The following PLCB4 variants were observed in gnomAD, a reference collection of about 807,000 sequenced individuals.
PLCB4 encodes the protein phospholipase C beta 4.
A neutral mutation model predicts 178.8 loss-of-function variants in PLCB4; 77 were observed. That is an observed-to-expected ratio of 0.43 (90% CI 0.36 to 0.52). The LOEUF (loss-of-function observed/expected upper bound fraction) is 0.52. Ranked by LOEUF, PLCB4 falls within the 20% of genes least tolerant of loss-of-function variation. The probability of loss-of-function intolerance (pLI) is 0.00; values close to 1 mark genes in which losing one functional copy is unlikely to be tolerated. For synonymous variants in PLCB4, 496 were observed against 490.8 expected (o/e 1.01, Z -0.14); for missense variants, 1,024 against 1,453.4 (o/e 0.70, Z 4.80).
rs531235467 is a variant in PLCB4, at chr20:9,249,991, A to G, written c.-16+32539A>G. ...GTCAGCTATAGAAAGAGAGAAAAAG[A>G]AAAAAGGCAGAAATTGACAGACTAT... On this transcript the variant is annotated intron_variant, in intron 3 of 39. Transcript: ENST00000378473. 9.9e-4 allele frequency among the ~76,000 whole-genome samples: 151 copies of G among 152,356 alleles called. No individual in the cohort carries two copies. The Middle Eastern group carries it at 0.014, about 14-fold the overall frequency.
chr20:9,452,148 A>G (rs1602890014), intron 32 of PLCB4, among the ~76,000 whole-genome samples: 1 of 152,340 alleles, frequency 6.6e-6, no homozygotes, highest in South Asian at 2.1e-4. Context: ...GCGTTTCTAA[A>G]GAATTTATAT....
intron 7 of PLCB4, among the ~76,000 whole-genome samples, chr20:9,354,194 G>C (rs1020469346): frequency 6.6e-6 from 1 of 152,102 alleles, no homozygotes; most frequent in Non-Finnish European, 1.5e-5. Context: ...ACATGCAGTG[G>C]GGTGTGTGTG....
intron 20 of PLCB4, among the ~76,000 whole-genome samples, chr20:9,402,317 A>T (rs747088873): frequency 6.6e-6 from 1 of 152,250 alleles, no homozygotes; most frequent in African/African-American, 2.4e-5. Flanking sequence ...TTGGCCATGC[A>T]CAGAGGTTGA....
At chr20:9,368,593 G>A (rs1186284562) in intron 9 of PLCB4, among the ~76,000 whole-genome samples, 8 of 152,142 alleles carry the variant, frequency 5.3e-5, no homozygotes, top group African/African-American at 1.9e-4. Flanking sequence ...TGTCCTGAAG[G>A]CCCAGCAGCC....
chr20:9,216,810 T>C (rs1401351492), intron 2 of PLCB4, among the ~76,000 whole-genome samples: 3 of 152,220 alleles, frequency 2.0e-5, no homozygotes, highest in Non-Finnish European at 4.4e-5. Flanking sequence ...CGGCCACTTT[T>C]GTGTACTTCT....
chr20:9,290,406 C>T (rs1252654580), intron 3 of PLCB4, among the ~76,000 whole-genome samples: 1 of 152,120 alleles, frequency 6.6e-6, no homozygotes, highest in South Asian at 2.1e-4. Flanking sequence ...TCTTTGGAAT[C>T]GCTTCACATC....
intron 3 of PLCB4, among the ~76,000 whole-genome samples, chr20:9,224,721 C>T (rs2147311231): frequency 6.6e-6 from 1 of 152,234 alleles, no homozygotes; most frequent in African/African-American, 2.4e-5. Flanking sequence ...CTGTCCCTGG[C>T]CAACTGGGTT....
At chr20:9,471,728 G>A (rs1261695968) in intron 36 of PLCB4, among the ~76,000 whole-genome samples, 3 of 152,178 alleles carry the variant, frequency 2.0e-5, no homozygotes, top group Non-Finnish European at 4.4e-5. Flanking sequence ...CCAACTGACA[G>A]AAAGTCTGAT....
chr20:9,355,479 G>A (rs1041613284), intron 7 of PLCB4, among the ~76,000 whole-genome samples: 2 of 151,140 alleles, frequency 1.3e-5, no homozygotes, highest in African/African-American at 2.4e-5. Flanking sequence ...AGAGTGTGAT[G>A]TCCCCCTTCC....
At chr20:9,353,608 A>G (rs2034533276) in intron 7 of PLCB4, among the ~76,000 whole-genome samples, 1 of 152,196 alleles carries the variant, frequency 6.6e-6, no homozygotes, top group Non-Finnish European at 1.5e-5. Context: ...TAAAATGTTC[A>G]TTTGTCAAGT....
chr20:9,205,351 G>A (rs1373123043), intron 2 of PLCB4, among the ~76,000 whole-genome samples: 1 of 152,212 alleles, frequency 6.6e-6, no homozygotes. Flanking sequence ...TATGTTAAAT[G>A]TATTTTTGAC....
intron 2 of PLCB4, among the ~76,000 whole-genome samples, chr20:9,125,112 T>C (rs1197280018): frequency 1.3e-5 from 2 of 152,184 alleles, no homozygotes; most frequent in Non-Finnish European, 2.9e-5. Flanking sequence ...TGTCTCTTGA[T>C]GGCAATTCTG....
intron 9 of PLCB4, among the ~76,000 whole-genome samples, chr20:9,368,917 A>G (rs1034267000): frequency 3.9e-5 from 6 of 152,282 alleles, no homozygotes; most frequent in Middle Eastern, 6.8e-3. Flanking sequence ...CCAGTTAGCT[A>G]TGAGGCACTA....
intron 3 of PLCB4, among the ~76,000 whole-genome samples, chr20:9,223,284 T>A (rs1334343485): frequency 6.6e-6 from 1 of 151,508 alleles, no homozygotes; most frequent in East Asian, 1.9e-4. Flanking sequence ...ACTCAAAGAG[T>A]CGAATTTTGC....
intron 9 of PLCB4, among the ~76,000 whole-genome samples, chr20:9,370,733 C>A (rs1284627677): frequency 1.3e-5 from 2 of 151,854 alleles, no homozygotes; most frequent in Admixed American, 6.6e-5. Context: ...TATGATGAAA[C>A]CCCGTCTCTA....
chr20:9,463,818 C>T (rs2043575934), intron 35 of PLCB4, among the ~76,000 whole-genome samples: 1 of 151,998 alleles, frequency 6.6e-6, no homozygotes, highest in Non-Finnish European at 1.5e-5. Context: ...TAGACTCCCA[C>T]ATAATAATAA....
intron 3 of PLCB4, among the ~76,000 whole-genome samples, chr20:9,221,002 A>G (rs1474828018): frequency 6.6e-6 from 1 of 152,146 alleles, no homozygotes. Flanking sequence ...GAGCACATTC[A>G]TGCATGCCAA....
chr20:9,371,256 C>G lies in PLCB4; in HGVS notation c.546C>G (p.Ile182Met). 1.2e-6 allele frequency: 2 copies of G among 1,610,196 alleles called. No individual in the cohort carries two copies. The highest frequency in any genetic ancestry group is 1.7e-6 in the Non-Finnish European group (2 of 1,176,472). ...TFASGKTEKV[I>M]FQALKELGLP... The stretch of plus-strand genomic sequence containing the variant: ...CATCGGGAAAAACAGAAAAGGTGAT[C>G]TTTCAAGCACTCAAGGAGTTAGGTC... Residue 182 changes from isoleucine (I) to methionine (M), a missense_variant, in exon 10 of 40, where the codon ATC (isoleucine) becomes ATG (methionine). Ile to Met is a conservative substitution (Grantham distance 10). Coordinates refer to ENST00000378473, the MANE Select transcript of PLCB4 (RefSeq NM_001377142.1).
At chr20:9,362,788 G>A (rs1412244320) in intron 7 of PLCB4, 108 bp from the exon 8 acceptor site, 2 of 701,674 alleles carry the variant, frequency 2.9e-6, no homozygotes, top group Non-Finnish European at 5.1e-6. Flanking sequence ...GACAAAAGAA[G>A]AGTTTGTGTT....
Sources: gnomAD v4.1 joint callset for allele counts (sites outside exome capture counted in the v4.1 genomes callset) on GRCh38, gnomAD v4.1.1 for gene constraint, MANE v1.5 for transcripts, NCBI Gene and HGNC (gene_info 2026-07-23, HGNC 2026-07-21) for gene names.